ANO4: variants seen among roughly 807,000 people sequenced by gnomAD.
ANO4 encodes the protein anoctamin-4.
A neutral mutation model predicts 141.9 loss-of-function variants in ANO4; 69 were observed. The observed-to-expected ratio is 0.49, with a 90% CI of 0.40 to 0.59. The LOEUF (loss-of-function observed/expected upper bound fraction) is 0.59. Ranked by LOEUF, ANO4 falls within the 20% of genes least tolerant of loss-of-function variation. The probability of loss-of-function intolerance (pLI) is 0.00; values close to 1 mark genes in which losing one functional copy is unlikely to be tolerated. For missense variants in ANO4, 894 were observed against 1,162.2 expected (o/e 0.77, Z 3.36); for synonymous variants, 350 against 394.3 (o/e 0.89, Z 1.33).
At chr12:101,014,928 T>A (rs1377693682) in intron 8 of ANO4, among the ~76,000 whole-genome samples, 1 of 152,086 alleles carries the variant, frequency 6.6e-6, no homozygotes, top group African/African-American at 2.4e-5. Context: ...CTCCTGGGCC[T>A]AAGGGATTGC....
At chr12:100,809,701 C>A (rs773010973) in intron 1 of ANO4, among the ~76,000 whole-genome samples, 2 of 152,134 alleles carry the variant, frequency 1.3e-5, no homozygotes, top group African/African-American at 4.8e-5. Flanking sequence ...ATATGACATG[C>A]GCAAGAGGTT....
intron 5 of ANO4, among the ~76,000 whole-genome samples, chr12:100,964,331 A>G (rs774661143): frequency 4.7e-4 from 72 of 152,294 alleles, no homozygotes; most frequent in Middle Eastern, 3.4e-3. Context: ...ATAAATTAGA[A>G]TAATAATAAT....
At chr12:101,006,896 A>C (rs965492438) in intron 8 of ANO4, among the ~76,000 whole-genome samples, 1 of 152,190 alleles carries the variant, frequency 6.6e-6, no homozygotes. Context: ...TAAGTTTGTT[A>C]GTGGGTATAT....
At position 101,093,085 on chromosome 12, in the gene ANO4, G is replaced by GGAAAAT. The variant is rs545184661; in HGVS notation, c.1702-1168_1702-1163dup. Among the ~76,000 whole-genome samples, 25 of 152,184 alleles carry GGAAAAT rather than the reference G, an allele frequency of 1.6e-4. No homozygotes were observed. In the South Asian group the frequency reaches 5.0e-3, roughly 30 times the overall value. The stretch of plus-strand genomic sequence containing the variant: ...TAACCTATGTCACAAGGTTTCTTAT[G>GGAAAAT]GAAAATGACACCAATCTCCATTACC... On this transcript the variant is annotated intron_variant, in intron 17 of 27. Transcript: ENST00000392977.
intron 8 of ANO4, among the ~76,000 whole-genome samples, chr12:101,017,997 T>TA (rs1055733927): frequency 6.6e-6 from 1 of 152,190 alleles, no homozygotes; most frequent in Admixed American, 6.5e-5. Flanking sequence ...TGTGATGCTA[T>TA]AAAAAGGGAA....
At chr12:100,789,201 CA>C (rs1224849322) in intron 3 of ANO4, among the ~76,000 whole-genome samples, 1 of 152,152 alleles carries the variant, frequency 6.6e-6, no homozygotes, top group Non-Finnish European at 1.5e-5. Flanking sequence ...TTGTTATTCT[CA>C]TTTCCTAGAT....
At chr12:100,831,771 C>T (rs1478608827) in intron 1 of ANO4, among the ~76,000 whole-genome samples, 1 of 152,054 alleles carries the variant, frequency 6.6e-6, no homozygotes, top group African/African-American at 2.4e-5. Context: ...AGCCCTGCCA[C>T]CCAGCCACTT....
At chr12:101,106,016 G>A (rs958124566) in intron 22 of ANO4, among the ~76,000 whole-genome samples, 1 of 152,240 alleles carries the variant, frequency 6.6e-6, no homozygotes, top group Middle Eastern at 3.4e-3. Context: ...CTGATGCAGA[G>A]AATCAGTTGA....
At chr12:101,080,883 T>TTATATATATA (rs1463149041) in intron 15 of ANO4, among the ~76,000 whole-genome samples, 6,038 of 73,530 alleles carry the variant, frequency 0.082, 231 homozygotes, top group East Asian at 0.31. Context: ...TATATATATA[T>TTATATATATA]TATATATATA....
intron 23 of ANO4, among the ~76,000 whole-genome samples, chr12:101,111,181 T>C (rs541401645): frequency 6.6e-6 from 1 of 152,220 alleles, no homozygotes; most frequent in African/African-American, 2.4e-5. Flanking sequence ...GCACCTACCC[T>C]GGGTCAGTGT....
intron 1 of ANO4, among the ~76,000 whole-genome samples, chr12:100,817,126 A>T (rs1278480939): frequency 1.3e-5 from 2 of 151,914 alleles, no homozygotes; most frequent in Non-Finnish European, 2.9e-5. Flanking sequence ...GAGCAATATG[A>T]TTAGGCATTT....
chr12:100,788,250 C>A (rs1453536894), intron 3 of ANO4, among the ~76,000 whole-genome samples: 1 of 152,042 alleles, frequency 6.6e-6, no homozygotes, highest in Admixed American at 6.5e-5. Context: ...ATCAAGTCTT[C>A]CCAGGATAGA....
chr12:101,093,349 GAA>G (rs1268818040), intron 17 of ANO4, among the ~76,000 whole-genome samples: 1 of 152,156 alleles, frequency 6.6e-6, no homozygotes, highest in Non-Finnish European at 1.5e-5. Context: ...AGGATGGTCT[GAA>G]GAAGAGATAA....
At chr12:100,974,814 T>A (rs749904401) in intron 6 of ANO4, 31 bp from the exon 7 acceptor site, 1 of 1,613,612 alleles carries the variant, frequency 6.2e-7, no homozygotes, top group South Asian at 1.1e-5. Flanking sequence ...GGTTTTCTTC[T>A]CGACTGGCTT....
At chr12:100,852,317 C>T (rs2037918205) in intron 1 of ANO4, 1 of 152,096 alleles carries the variant, frequency 6.6e-6, no homozygotes, top group Non-Finnish European at 1.5e-5. Flanking sequence ...ATGTAACAAA[C>T]CCTGCTGCAG....
intron 22 of ANO4, among the ~76,000 whole-genome samples, chr12:101,103,213 ATATATATATATATATATC>A (rs2050275285): frequency 2.4e-5 from 2 of 82,640 alleles, no homozygotes; most frequent in African/African-American, 3.6e-5. Flanking sequence ...ATATATATAT[ATATATATATATATATATC>A]TTTTTGTTCT....
chr12:100,852,310 T>A (rs116130659), intron 1 of ANO4: 1 of 152,298 alleles, frequency 6.6e-6, no homozygotes, highest in African/African-American at 2.4e-5. Flanking sequence ...CAGATGTATG[T>A]AACAAACCCT....
At position 100,964,879 on chromosome 12, in the gene ANO4, A is replaced by G. The variant is rs77361010; in HGVS notation, c.457-6427A>G. ...CTATTTTCTTACTCTATTTTTCTTC[A>G]AAGCACATCATCAGAAGTATTACAC... On this transcript the variant is annotated intron_variant, in intron 5 of 27. Transcript: ENST00000392977. 3.9e-3 allele frequency among the ~76,000 whole-genome samples: 595 copies of G among 152,250 alleles called. 1 individual carries two copies. Among genetic ancestry groups the G allele is most frequent in the Non-Finnish European group, 6.1e-3 (416 of 68,014 alleles).
chr12:100,864,379 A>T (rs1417656051), intron 1 of ANO4, among the ~76,000 whole-genome samples: 1 of 152,138 alleles, frequency 6.6e-6, no homozygotes, highest in African/African-American at 2.4e-5. Flanking sequence ...GAAAAAGAGG[A>T]GATAGATATG....
Sources: gnomAD v4.1 joint callset for allele counts (sites outside exome capture counted in the v4.1 genomes callset) on GRCh38, gnomAD v4.1.1 for gene constraint, MANE v1.5 for transcripts, NCBI Gene and HGNC (gene_info 2026-07-23, HGNC 2026-07-21) for gene names.